The following VAV3 variants were observed in gnomAD, a reference collection of about 807,000 sequenced individuals.
VAV3 encodes the protein guanine nucleotide exchange factor VAV3.
In VAV3, 94 loss-of-function variants were observed where a neutral mutation model predicts 131.2. The ratio of observed to expected loss-of-function variants is 0.72; its 90% CI spans 0.61 to 0.85. The LOEUF (loss-of-function observed/expected upper bound fraction) is 0.85. Ranked by LOEUF, VAV3 falls within the 40% of genes least tolerant of loss-of-function variation. The pLI is 0.00. For missense variants in VAV3, 939 were observed against 1,002.7 expected (o/e 0.94, Z 0.86); for synonymous variants, 349 against 342.0 (o/e 1.02, Z -0.22).
chr1:107,926,994 C>T (rs1486607841), intron 1 of VAV3, among the ~76,000 whole-genome samples: 1 of 152,164 alleles, frequency 6.6e-6, no homozygotes, highest in Non-Finnish European at 1.5e-5. Context: ...GTACCACACC[C>T]CTCCCCTAAC....
chr1:107,590,375 T>C (rs1650852480), intron 25 of VAV3, among the ~76,000 whole-genome samples: 1 of 152,188 alleles, frequency 6.6e-6, no homozygotes, highest in African/African-American at 2.4e-5. Flanking sequence ...TGTGCAAAAG[T>C]ACAATTGAGA....
At chr1:107,852,512 A>C (rs1361091523) in intron 2 of VAV3, among the ~76,000 whole-genome samples, 1 of 152,182 alleles carries the variant, frequency 6.6e-6, no homozygotes, top group Non-Finnish European at 1.5e-5. Context: ...ATCATGGTTT[A>C]CATACTGTTT....
At chr1:107,657,681 AAC>A (rs1466036880) in intron 19 of VAV3, among the ~76,000 whole-genome samples, 13 of 152,194 alleles carry the variant, frequency 8.5e-5, no homozygotes, top group Non-Finnish European at 1.5e-4. Context: ...GGGAGAGCAA[AAC>A]ACAGGATTCC....
At chr1:107,651,691 C>A (rs190469089) in intron 19 of VAV3, among the ~76,000 whole-genome samples, 1 of 151,922 alleles carries the variant, frequency 6.6e-6, no homozygotes, top group African/African-American at 2.4e-5. Flanking sequence ...TTTCTACCTC[C>A]CAGTTCAAGC....
At chr1:107,749,190 C>A in intron 14 of VAV3, 113 bp from the exon 15 acceptor site, 1 of 896,554 alleles carries the variant, frequency 1.1e-6, no homozygotes, top group Non-Finnish European at 1.7e-6. Context: ...AATGTACAAA[C>A]TGAACAATCA....
chr1:107,870,081 G>A (rs994714861), intron 2 of VAV3, among the ~76,000 whole-genome samples: 1 of 152,102 alleles, frequency 6.6e-6, no homozygotes, highest in Non-Finnish European at 1.5e-5. Flanking sequence ...ATTGTGAATT[G>A]TGCTGCTATA....
At chr1:107,593,603 C>T (rs1651137585) in intron 25 of VAV3, among the ~76,000 whole-genome samples, 1 of 151,982 alleles carries the variant, frequency 6.6e-6, no homozygotes, top group South Asian at 2.1e-4. Flanking sequence ...AGCTATGAAC[C>T]AAAGGTAAGC....
At chr1:107,707,054 C>T (rs1660495598) in intron 15 of VAV3, among the ~76,000 whole-genome samples, 1 of 151,914 alleles carries the variant, frequency 6.6e-6, no homozygotes, top group East Asian at 1.9e-4. Context: ...CACAAAGCCA[C>T]TAAGATGTTT....
chr1:107,852,047 C>T (rs1199854720), intron 2 of VAV3, among the ~76,000 whole-genome samples: 2 of 152,038 alleles, frequency 1.3e-5, no homozygotes, highest in Admixed American at 1.3e-4. Context: ...TTCAGAGGTA[C>T]AATTAAGTTA....
intron 1 of VAV3, among the ~76,000 whole-genome samples, chr1:107,940,278 C>T (rs1673923323): frequency 6.6e-6 from 1 of 151,998 alleles, no homozygotes; most frequent in Non-Finnish European, 1.5e-5. Flanking sequence ...TTAAAGAGAC[C>T]AAAGAATTAT....
chr1:107,605,802 A>C (rs966239780), intron 22 of VAV3, among the ~76,000 whole-genome samples: 7 of 152,236 alleles, frequency 4.6e-5, no homozygotes, highest in Non-Finnish European at 1.0e-4. Flanking sequence ...CATCCTGAAT[A>C]TATCTCATGA....
intron 20 of VAV3, among the ~76,000 whole-genome samples, chr1:107,633,712 T>C (rs1046987622): frequency 6.6e-6 from 1 of 152,106 alleles, no homozygotes; most frequent in African/African-American, 2.4e-5. Context: ...CTTAAGAAGG[T>C]CCAGCAGTTT....
At chr1:107,707,972 T>C (rs1160781359) in intron 15 of VAV3, among the ~76,000 whole-genome samples, 1 of 152,258 alleles carries the variant, frequency 6.6e-6, no homozygotes, top group Non-Finnish European at 1.5e-5. Flanking sequence ...AGGCTCTTCA[T>C]ATACTTTTTC....
intron 15 of VAV3, among the ~76,000 whole-genome samples, chr1:107,715,221 G>A (rs200730509): frequency 4.6e-5 from 7 of 151,954 alleles, no homozygotes; most frequent in African/African-American, 1.7e-4. Context: ...CTGTTCCACC[G>A]AGCACTCAAA....
chr1:107,929,559 A>C (rs141282829), intron 1 of VAV3, among the ~76,000 whole-genome samples: 20 of 152,280 alleles, frequency 1.3e-4, no homozygotes, highest in African/African-American at 4.8e-4. Flanking sequence ...TAACTATAGT[A>C]AGTAAACTCC....
chr1:107,676,815 C>T (rs537119390), intron 19 of VAV3, among the ~76,000 whole-genome samples: 3 of 152,122 alleles, frequency 2.0e-5, no homozygotes, highest in Middle Eastern at 3.4e-3. Context: ...AAAATTCTCC[C>T]TCATCTGCCT....
At chr1:107,694,212 T>C (rs1472000573) in intron 17 of VAV3, among the ~76,000 whole-genome samples, 2 of 152,114 alleles carry the variant, frequency 1.3e-5, no homozygotes, top group Non-Finnish European at 2.9e-5. Flanking sequence ...CAGGCTACCA[T>C]TGGATGGTCA....
At position 107,749,517 on chromosome 1, in the gene VAV3, T is replaced by A. The variant is rs1663573675; in HGVS notation, c.1337A>T (p.Asp446Val). 6.2e-7 allele frequency: 1 copy of A among 1,612,052 alleles called. No individual in the cohort carries two copies. Among genetic ancestry groups the A allele is most frequent in the Non-Finnish European group, 8.5e-7 (1 of 1,179,408 alleles). ...ATTGGCTATCTTGTACTGCTGAAGA[T>A]CTATTATTTCCTTCATTTCATAGTT... ...GDNYEMKEIIDLQQYKIANNP... is the reference protein window; with the variant it reads ...GDNYEMKEIIVLQQYKIANNP... Residue 446 changes from aspartate (D) to valine (V), a missense_variant, in exon 14 of 27, where the codon GAT (aspartate) becomes GTT (valine). Coordinates refer to ENST00000370056, the MANE Select transcript of VAV3 (RefSeq NM_006113.5).
intron 2 of VAV3, among the ~76,000 whole-genome samples, chr1:107,869,948 A>G (rs1670179699): frequency 1.3e-5 from 2 of 152,196 alleles, no homozygotes; most frequent in African/African-American, 4.8e-5. Context: ...CTCCAGTTCC[A>G]TCCAGGTTGC....
Sources: gnomAD v4.1 joint callset for allele counts (sites outside exome capture counted in the v4.1 genomes callset) on GRCh38, gnomAD v4.1.1 for gene constraint, MANE v1.5 for transcripts, NCBI Gene and HGNC (gene_info 2026-07-23, HGNC 2026-07-21) for gene names.